Variants in DCAF12 observed in about 807,000 individuals in gnomAD.
DCAF12 encodes the protein DDB1- and CUL4-associated factor 12.
Under a neutral mutation model 52.8 loss-of-function variants are expected in DCAF12, and 28 were observed. That is an observed-to-expected ratio of 0.53 (90% CI 0.39 to 0.73). DCAF12 has a LOEUF of 0.73. DCAF12 is among the 30% of genes least tolerant of loss of function. The pLI, the probability that DCAF12 is intolerant of heterozygous loss-of-function variation, is 0.00. For missense variants in DCAF12, 425 were observed against 552.2 expected, an observed-to-expected ratio of 0.77 and a Z score of 2.31; for synonymous variants, 196 against 215.5, an observed-to-expected ratio of 0.91 and a Z score of 0.79.
At chr9:34,110,865 A>C (rs1828991787) in intron 2 of DCAF12, among the ~76,000 whole-genome samples, 1 of 152,142 alleles carries the variant, frequency 6.6e-6, no homozygotes, top group Admixed American at 6.6e-5. Context: ...CATGGACTTC[A>C]AACTCTAGAA....
At chr9:34,121,672 C>T (rs1289868352) in intron 2 of DCAF12, among the ~76,000 whole-genome samples, 5 of 152,222 alleles carry the variant, frequency 3.3e-5, no homozygotes, top group South Asian at 2.1e-4. Context: ...CGGCCAGGCG[C>T]GGTGGCTCAT....
Position 34,098,312 on chromosome 9 carries a change from A to G in DCAF12, c.795+12T>C. On this transcript the variant is annotated intron_variant, in intron 5 of 8. Coordinates refer to ENST00000361264, the MANE Select transcript of DCAF12 (RefSeq NM_015397.4). ...AGGAATACACGTCAGGGATCCCTAC[A>G]CAAGTTCATACCTTGTTCTTGTTGT... 1 of 1,612,124 alleles carries G rather than the reference A, an allele frequency of 6.2e-7. No individual in the cohort carries two copies. The highest frequency in any genetic ancestry group is 1.3e-5 in the African/African-American group (1 of 74,984).
chr9:34,118,942 G>T (rs1313913701), intron 2 of DCAF12, among the ~76,000 whole-genome samples: 1 of 152,104 alleles, frequency 6.6e-6, no homozygotes, highest in Non-Finnish European at 1.5e-5. Flanking sequence ...TGCAGCCTGG[G>T]CAACAGAGTA....
Position 34,108,898 on chromosome 9 carries a change from T to TA in DCAF12, c.334-1334dup, listed in dbSNP as rs1401740469. Among the ~76,000 whole-genome samples the TA allele has an allele frequency of 2.1e-4, 31 of 149,150 alleles. No individual in the cohort carries two copies. In the Middle Eastern group the frequency reaches 0.014, roughly 69 times the overall value. ...CTTAGCTACTCAGGAGGCTGAGGCA[T>TA]AAGGATCACAAATTGAGTCCAGCCT... is the stretch of plus-strand genomic sequence containing the variant. On this transcript the variant is annotated intron_variant, in intron 2 of 8. Transcript: ENST00000361264.
chr9:34,106,510 G>A lies in DCAF12; in HGVS notation c.541-16C>T. The A allele has an allele frequency of 6.2e-7, 1 of 1,603,742 alleles. No homozygotes were observed. The highest frequency in any genetic ancestry group is 8.5e-7 in the Non-Finnish European group (1 of 1,172,254). On this transcript the variant is annotated splice_polypyrimidine_tract_variant and intron_variant, in intron 3 of 8. Coordinates refer to ENST00000361264, the MANE Select transcript of DCAF12 (RefSeq NM_015397.4). ...TGTGTCCATCCTTGGAGAGCAGGGA[G>A]TAACAGGTACAGGGAGGAAAATAAG...
chr9:34,100,347 C>G (rs1361971398), intron 4 of DCAF12, among the ~76,000 whole-genome samples: 1 of 151,686 alleles, frequency 6.6e-6, no homozygotes, highest in Non-Finnish European at 1.5e-5. Flanking sequence ...TACAGAGGCC[C>G]GTCACCACGC....
intron 4 of DCAF12, among the ~76,000 whole-genome samples, chr9:34,102,302 G>T (rs1388707895): frequency 6.6e-6 from 1 of 151,512 alleles, no homozygotes; most frequent in Non-Finnish European, 1.5e-5. Flanking sequence ...AAAGAATAAT[G>T]ACTGTTTTAT....
At chr9:34,119,898 CA>C (rs1210187714) in intron 2 of DCAF12, among the ~76,000 whole-genome samples, 1 of 151,822 alleles carries the variant, frequency 6.6e-6, no homozygotes, top group African/African-American at 2.4e-5. Context: ...GATGGGGTCT[CA>C]CTACATTGCC....
intron 4 of DCAF12, among the ~76,000 whole-genome samples, chr9:34,104,006 C>T (rs1180165093): frequency 2.6e-5 from 4 of 152,092 alleles, no homozygotes; most frequent in African/African-American, 7.2e-5. Flanking sequence ...CAGTGGCTCA[C>T]GCCTGAAATT....
intron 5 of DCAF12, among the ~76,000 whole-genome samples, chr9:34,097,091 G>A (rs1413284578): frequency 1.3e-5 from 2 of 152,014 alleles, no homozygotes; most frequent in African/African-American, 4.8e-5. Flanking sequence ...ATAATCTAGT[G>A]TGAGAATTTC....
intron 7 of DCAF12, among the ~76,000 whole-genome samples, chr9:34,091,663 C>T (rs1426607345): frequency 9.2e-5 from 11 of 119,880 alleles, no homozygotes; most frequent in Admixed American, 7.5e-4. Context: ...AAAAAAAAAC[C>T]ACAAAAAACC....
At chr9:34,124,351 T>C (rs1161471166) in intron 2 of DCAF12, among the ~76,000 whole-genome samples, 2 of 152,228 alleles carry the variant, frequency 1.3e-5, no homozygotes, top group African/African-American at 4.8e-5. Context: ...TTCCAAACGT[T>C]TCTGCTCTTT....
rs906124165 is a variant in DCAF12, at chr9:34,086,547, T to A, written c.*1803A>T. On this transcript the variant is annotated 3_prime_UTR_variant, in exon 9 of 9. Transcript: ENST00000361264. ...AAGATTTTTTTTTTAAATATACAAG[T>A]CAGTTTAAAATGATAGAAGTTCTGT... The A allele has an allele frequency of 6.6e-6, 1 of 151,900 alleles. No homozygotes were observed. The highest frequency in any genetic ancestry group is 1.5e-5 in the Non-Finnish European group (1 of 67,964). 9.4% of individuals were successfully genotyped at this position (151,900 alleles called of 1,614,324 possible).
intron 4 of DCAF12, among the ~76,000 whole-genome samples, chr9:34,105,343 T>C (rs940389407): frequency 7.9e-5 from 12 of 152,050 alleles, no homozygotes; most frequent in African/African-American, 2.9e-4. Flanking sequence ...GGAGGATAGC[T>C]TGAGCCCAGG....
intron 2 of DCAF12, 56 bp from the exon 3 acceptor site, chr9:34,107,621 G>A (rs1467081941): frequency 6.9e-7 from 1 of 1,440,284 alleles, no homozygotes; most frequent in East Asian, 2.3e-5. Context: ...GCCAATACAG[G>A]GTATAAACAT....
intron 2 of DCAF12, among the ~76,000 whole-genome samples, chr9:34,113,546 G>T (rs987952086): frequency 6.6e-6 from 1 of 151,896 alleles, no homozygotes; most frequent in Non-Finnish European, 1.5e-5. Flanking sequence ...CACCATATTA[G>T]CCAGACTGGT....
At chr9:34,121,538 A>G (rs1425750447) in intron 2 of DCAF12, among the ~76,000 whole-genome samples, 1 of 152,138 alleles carries the variant, frequency 6.6e-6, no homozygotes, top group African/African-American at 2.4e-5. Context: ...GAGTGCTGAC[A>G]ATGGGAAATA....
intron 2 of DCAF12, among the ~76,000 whole-genome samples, chr9:34,114,091 G>A (rs929890320): frequency 3.3e-5 from 5 of 149,440 alleles, no homozygotes; most frequent in African/African-American, 7.3e-5. Context: ...CTGGGCGACA[G>A]GGCAAATACT....
Position 34,088,228 on chromosome 9 carries a change from G to T in DCAF12, c.*122C>A. 8.8e-7 allele frequency: 1 copy of T among 1,138,396 alleles called. No individual in the cohort carries two copies. Among genetic ancestry groups the T allele is most frequent in the Non-Finnish European group, 1.2e-6 (1 of 824,798 alleles). The allele number at this position is 1,138,396 out of a possible 1,614,324, so 70.5% of individuals were successfully genotyped here. A position where few individuals can be genotyped will look rare whatever the true frequency, so the allele number is the denominator to read the frequency against. On this transcript the variant is annotated 3_prime_UTR_variant, in exon 9 of 9. Transcript: ENST00000361264. ...TTCCTATTAAGTGCCTAAACTATAG[G>T]CAAACTTTGGTGTTCCCACTAAAAC...
Sources: gnomAD v4.1 joint callset for allele counts (sites outside exome capture counted in the v4.1 genomes callset) on GRCh38, gnomAD v4.1.1 for gene constraint, MANE v1.5 for transcripts, NCBI Gene and HGNC (gene_info 2026-07-23, HGNC 2026-07-21) for gene names.